The following PCDHA12 variants were observed in gnomAD, a reference collection of about 807,000 sequenced individuals.
PCDHA12 encodes the protein protocadherin alpha-12.
PCDHA12 carries 44 observed loss-of-function variants against 60.0 expected under a neutral mutation model. That is an observed-to-expected ratio of 0.73 (90% CI 0.58 to 0.94). PCDHA12 has a LOEUF of 0.94. PCDHA12 is among the 40% of genes least tolerant of loss of function. PCDHA12 has a pLI of 0.00. For missense variants in PCDHA12, 1,276 were observed against 1,239.7 expected, an observed-to-expected ratio of 1.03 and a Z score of -0.44; for synonymous variants, 569 against 553.0, an observed-to-expected ratio of 1.03 and a Z score of -0.40.
At chr5:140,932,633 A>T (rs1192123242) in intron 1 of PCDHA12, among the ~76,000 whole-genome samples, 1 of 151,912 alleles carries the variant, frequency 6.6e-6, no homozygotes, top group African/African-American at 2.4e-5. Flanking sequence ...ACACTAAAAA[A>T]CTTTAGAATG....
chr5:140,931,175 G>A (rs1321525314), intron 1 of PCDHA12, among the ~76,000 whole-genome samples: 2 of 152,138 alleles, frequency 1.3e-5, no homozygotes, highest in Non-Finnish European at 2.9e-5. Flanking sequence ...TAATTTTAGG[G>A]AAGGAAATTG....
At chr5:140,958,069 A>C (rs2095407625) in intron 1 of PCDHA12, among the ~76,000 whole-genome samples, 1 of 152,104 alleles carries the variant, frequency 6.6e-6, no homozygotes. Flanking sequence ...AAAAACACAG[A>C]AGCAAAAAGT....
chr5:140,960,597 C>T (rs1315375637), intron 1 of PCDHA12, among the ~76,000 whole-genome samples: 1 of 152,092 alleles, frequency 6.6e-6, no homozygotes, highest in South Asian at 2.1e-4. Context: ...ATTCAAGGTA[C>T]TTCAACAATA....
chr5:140,962,855 G>A (rs556272423), intron 1 of PCDHA12, among the ~76,000 whole-genome samples: 286 of 152,196 alleles, frequency 1.9e-3, no homozygotes, highest in Admixed American at 3.8e-3. Context: ...CTTGTGCTCG[G>A]TTTGTAGAGC....
chr5:140,971,182 G>A (rs1158073557), intron 1 of PCDHA12, among the ~76,000 whole-genome samples: 7 of 152,110 alleles, frequency 4.6e-5, no homozygotes, highest in Admixed American at 1.3e-4. Flanking sequence ...GCTGTAAGCC[G>A]GAAGCTCAGA....
chr5:140,884,457 G>A, intron 1 of PCDHA12: 1 of 1,613,758 alleles, frequency 6.2e-7, no homozygotes, highest in Non-Finnish European at 8.5e-7. Flanking sequence ...CCCACCGAGG[G>A]CGCGTGCGCG....
intron 3 of PCDHA12, among the ~76,000 whole-genome samples, chr5:140,999,423 C>G (rs1159862736): frequency 6.6e-6 from 1 of 152,100 alleles, no homozygotes; most frequent in Non-Finnish European, 1.5e-5. Context: ...AGCTAAGAGG[C>G]CAAGTACCTT....
At chr5:140,962,601 C>T (rs1227208523) in intron 1 of PCDHA12, among the ~76,000 whole-genome samples, 1 of 152,160 alleles carries the variant, frequency 6.6e-6, no homozygotes, top group African/African-American at 2.4e-5. Context: ...TGATATATTT[C>T]TTCTGGAGGA....
chr5:140,912,635 T>G (rs1554195442), intron 1 of PCDHA12, among the ~76,000 whole-genome samples: 2 of 152,156 alleles, frequency 1.3e-5, no homozygotes, highest in Admixed American at 6.5e-5. Context: ...AGACTTTCAG[T>G]ACTATGTTGA....
At chr5:140,974,320 CT>C (rs2096622624) in intron 1 of PCDHA12, among the ~76,000 whole-genome samples, 1 of 152,206 alleles carries the variant, frequency 6.6e-6, no homozygotes, top group Non-Finnish European at 1.5e-5. Context: ...GAGAGAGTAG[CT>C]GCTGTGCTAG....
In PCDHA12 at chr5:140,879,837, T is replaced by C. The variant is rs150709679; in HGVS notation, c.2367+1998T>C. ...GTTGGTGTTCCCTGGCTTGTGGCTGTACCACTCCCATCTCAGCCTTCTCAG... is the reference window on the plus strand; with the variant it reads ...GTTGGTGTTCCCTGGCTTGTGGCTGCACCACTCCCATCTCAGCCTTCTCAG... On this transcript the variant is annotated intron_variant, in intron 1 of 3. Coordinates refer to ENST00000398631, the MANE Select transcript of PCDHA12 (RefSeq NM_018903.4). Among the ~76,000 whole-genome samples, 861 of 152,350 alleles carry C rather than the reference T, an allele frequency of 5.7e-3. 5 individuals are homozygous for C. The highest frequency in any genetic ancestry group is 0.014 in the Middle Eastern group (4 of 294).
In PCDHA12 at chr5:140,927,655, G is replaced by C. The variant is rs782653279; in HGVS notation, c.2367+49816G>C. On this transcript the variant is annotated intron_variant, in intron 1 of 3. Transcript: ENST00000398631. Reference sequence around the variant, plus strand: ...ACCCAATGGGACTGTGTTATTCCGAGTTCAAGCCTTGGATCCAGATGAAGG... The same window carrying C: ...ACCCAATGGGACTGTGTTATTCCGACTTCAAGCCTTGGATCCAGATGAAGG... The C allele has an allele frequency of 1.2e-5, 20 of 1,614,130 alleles. No individual in the cohort carries two copies. In the Admixed American group the frequency reaches 2.3e-4, roughly 19 times the overall value.
chr5:140,957,614 T>C (rs1208546101), intron 1 of PCDHA12, among the ~76,000 whole-genome samples: 6 of 152,134 alleles, frequency 3.9e-5, no homozygotes, highest in African/African-American at 1.4e-4. Flanking sequence ...CACAGACATA[T>C]ACATGCACAC....
chr5:140,943,305 CATT>C (rs1322564942), intron 1 of PCDHA12, among the ~76,000 whole-genome samples: 13 of 146,998 alleles, frequency 8.8e-5, no homozygotes, highest in African/African-American at 3.0e-4. Flanking sequence ...TTTGGGAAGT[CATT>C]ATTAGCAATA....
chr5:140,928,223 A>G (rs2085050678), intron 1 of PCDHA12: 1 of 1,614,178 alleles, frequency 6.2e-7, no homozygotes. Flanking sequence ...AATACACCAA[A>G]CTTTCCTCAA....
intron 3 of PCDHA12, among the ~76,000 whole-genome samples, chr5:140,991,067 A>C (rs2097429962): frequency 6.6e-6 from 1 of 152,184 alleles, no homozygotes; most frequent in Admixed American, 6.5e-5. Flanking sequence ...TATTATTCCC[A>C]TGTTTCAGAT....
intron 1 of PCDHA12, among the ~76,000 whole-genome samples, chr5:140,938,299 A>T (rs995168721): frequency 1.3e-5 from 2 of 152,192 alleles, no homozygotes; most frequent in Admixed American, 6.5e-5. Flanking sequence ...TTGCCTATGA[A>T]ATTCAGTATA....
At chr5:140,953,932 C>T (rs1005245846) in intron 1 of PCDHA12, among the ~76,000 whole-genome samples, 1 of 152,060 alleles carries the variant, frequency 6.6e-6, no homozygotes, top group Admixed American at 6.6e-5. Flanking sequence ...CTGATGCTCT[C>T]CCTCCCATTG....
chr5:140,916,831 G>A (rs1038292722), intron 1 of PCDHA12, among the ~76,000 whole-genome samples: 22 of 152,082 alleles, frequency 1.4e-4, no homozygotes, highest in Non-Finnish European at 2.9e-4. Context: ...CTATCCCTCT[G>A]GTTCTGAGCC....
Sources: gnomAD v4.1 joint callset for allele counts (sites outside exome capture counted in the v4.1 genomes callset) on GRCh38, gnomAD v4.1.1 for gene constraint, MANE v1.5 for transcripts, NCBI Gene and HGNC (gene_info 2026-07-23, HGNC 2026-07-21) for gene names.